The following CNTN4 variants were observed in gnomAD, a reference collection of about 807,000 sequenced individuals.
CNTN4 encodes the protein contactin-4.
CNTN4 carries 77 observed loss-of-function variants against 122.5 expected under a neutral mutation model. That is an observed-to-expected ratio of 0.63 (90% CI 0.52 to 0.76). The LOEUF is 0.76. Among genes scored for constraint, CNTN4 ranks in the 30% least tolerant of loss-of-function variants. The pLI is 0.00. For missense variants in CNTN4, 1,256 were observed against 1,259.1 expected (o/e 1.00, Z 0.04); for synonymous variants, 512 against 447.0 (o/e 1.15, Z -1.83).
At chr3:2,687,801 C>G (rs1373615309) in intron 4 of CNTN4, among the ~76,000 whole-genome samples, 2 of 152,128 alleles carry the variant, frequency 1.3e-5, no homozygotes, top group Non-Finnish European at 2.9e-5. Context: ...TGAAAGCCAT[C>G]TAATGTTAGT....
intron 1 of CNTN4, among the ~76,000 whole-genome samples, chr3:2,100,132 G>A (rs546938112): frequency 5.9e-5 from 9 of 152,306 alleles, no homozygotes; most frequent in Admixed American, 5.2e-4. Flanking sequence ...TGGGTGTGTG[G>A]TCTGCGTGGA....
chr3:2,344,420 C>T (rs2044325288), intron 3 of CNTN4, among the ~76,000 whole-genome samples: 1 of 151,924 alleles, frequency 6.6e-6, no homozygotes, highest in African/African-American at 2.4e-5. Flanking sequence ...GCTGGGATTA[C>T]AGGCGTCTGC....
intron 3 of CNTN4, among the ~76,000 whole-genome samples, chr3:2,400,242 A>C (rs1273587535): frequency 6.6e-6 from 1 of 151,418 alleles, no homozygotes; most frequent in Non-Finnish European, 1.5e-5. Context: ...CTAGTATCAC[A>C]AAACCAGAAG....
At chr3:2,363,322 C>T (rs1183069479) in intron 3 of CNTN4, among the ~76,000 whole-genome samples, 1 of 152,212 alleles carries the variant, frequency 6.6e-6, no homozygotes, top group Non-Finnish European at 1.5e-5. Flanking sequence ...CTCTCTTCTT[C>T]CTCTAAAGCA....
intron 2 of CNTN4, among the ~76,000 whole-genome samples, chr3:2,214,210 A>G (rs1256445876): frequency 6.6e-6 from 1 of 152,128 alleles, no homozygotes; most frequent in African/African-American, 2.4e-5. Flanking sequence ...GAGTATGGAA[A>G]TCTGGTTCAG....
At chr3:2,424,510 G>A (rs1237217017) in intron 3 of CNTN4, among the ~76,000 whole-genome samples, 1 of 152,102 alleles carries the variant, frequency 6.6e-6, no homozygotes, top group Non-Finnish European at 1.5e-5. Flanking sequence ...ATTGTGAACA[G>A]TGCCGCACTA....
At chr3:2,573,160 G>A (rs532459804) in intron 4 of CNTN4, among the ~76,000 whole-genome samples, 2 of 152,168 alleles carry the variant, frequency 1.3e-5, no homozygotes, top group Non-Finnish European at 2.9e-5. Flanking sequence ...TAGTTGTCTT[G>A]AGGATTTGGC....
At chr3:2,708,727 TCACACA>T (rs10530575) in intron 4 of CNTN4, among the ~76,000 whole-genome samples, 4,053 of 150,970 alleles carry the variant, frequency 0.027, 114 homozygotes, top group African/African-American at 0.071. Context: ...CACGCGCGCA[TCACACA>T]CACACACACA....
chr3:2,654,322 GA>G (rs1282367126), intron 4 of CNTN4, among the ~76,000 whole-genome samples: 1 of 152,144 alleles, frequency 6.6e-6, no homozygotes, highest in East Asian at 1.9e-4. Flanking sequence ...AGAAGTCTCT[GA>G]AAACTATACA....
intron 2 of CNTN4, among the ~76,000 whole-genome samples, chr3:2,323,856 T>C (rs141570166): frequency 1.3e-5 from 2 of 152,336 alleles, no homozygotes; most frequent in Admixed American, 6.5e-5. Flanking sequence ...TACTGGGCTC[T>C]ATAATATGCT....
chr3:2,547,167 T>C (rs915386719), intron 3 of CNTN4, among the ~76,000 whole-genome samples: 1 of 152,096 alleles, frequency 6.6e-6, no homozygotes, highest in Non-Finnish European at 1.5e-5. Flanking sequence ...ATGGTATAGA[T>C]CTACTAATAC....
intron 3 of CNTN4, among the ~76,000 whole-genome samples, chr3:2,349,567 A>G (rs988616978): frequency 2.0e-5 from 3 of 151,904 alleles, no homozygotes; most frequent in Non-Finnish European, 2.9e-5. Flanking sequence ...TAGGTTGCCA[A>G]TGAATTGCTG....
At chr3:2,722,715 C>A (rs1326509647) in intron 4 of CNTN4, among the ~76,000 whole-genome samples, 1 of 152,132 alleles carries the variant, frequency 6.6e-6, no homozygotes, top group East Asian at 1.9e-4. Flanking sequence ...TTGTGTTTGC[C>A]CAAATCAGTG....
chr3:2,787,421 G>C (rs2091871388), intron 6 of CNTN4, among the ~76,000 whole-genome samples: 1 of 152,100 alleles, frequency 6.6e-6, no homozygotes, highest in Non-Finnish European at 1.5e-5. Context: ...AAAGGCATCT[G>C]ACCAAAATTA....
intron 4 of CNTN4, among the ~76,000 whole-genome samples, chr3:2,672,193 C>G (rs1294079544): frequency 1.3e-5 from 2 of 152,242 alleles, no homozygotes; most frequent in Admixed American, 1.3e-4. Context: ...TTTTGTTTGG[C>G]TATGCCCTGC....
At chr3:2,703,059 T>C (rs2086448836) in intron 4 of CNTN4, among the ~76,000 whole-genome samples, 1 of 152,206 alleles carries the variant, frequency 6.6e-6, no homozygotes, top group Non-Finnish European at 1.5e-5. Context: ...AGGTAGTATC[T>C]AATTCAATTA....
At chr3:2,654,857 T>G (rs1370341377) in intron 4 of CNTN4, among the ~76,000 whole-genome samples, 1 of 152,138 alleles carries the variant, frequency 6.6e-6, no homozygotes, top group Non-Finnish European at 1.5e-5. Context: ...CTTCTTCTTC[T>G]TATCTTCTGC....
intron 4 of CNTN4, among the ~76,000 whole-genome samples, chr3:2,644,515 C>A (rs950644877): frequency 2.0e-5 from 3 of 151,878 alleles, no homozygotes; most frequent in Non-Finnish European, 2.9e-5. Flanking sequence ...TACCCTGTAT[C>A]TCTCTGCCTG....
At chr3:2,774,260 C>G (rs1425818102) in intron 6 of CNTN4, among the ~76,000 whole-genome samples, 1 of 151,836 alleles carries the variant, frequency 6.6e-6, no homozygotes, top group Non-Finnish European at 1.5e-5. Flanking sequence ...GACTCCATCT[C>G]AAAACAAAAA....
Sources: allele counts gnomAD v4.1 joint callset (sites outside exome capture counted in the v4.1 genomes callset), GRCh38; gene constraint gnomAD v4.1.1; transcripts MANE v1.5; gene names NCBI Gene and HGNC (gene_info 2026-07-23, HGNC 2026-07-21).